PDGFC: variants seen among roughly 807,000 people sequenced by gnomAD.
PDGFC encodes platelet derived growth factor C, also known as platelet-derived growth factor C.
A neutral mutation model predicts 35.5 loss-of-function variants in PDGFC; 12 were observed. The ratio of observed to expected loss-of-function variants is 0.34; its 90% CI spans 0.22 to 0.55. The LOEUF (loss-of-function observed/expected upper bound fraction) is 0.55. PDGFC is among the 20% of genes least tolerant of loss of function. The probability of loss-of-function intolerance (pLI) is 0.91; values close to 1 mark genes in which losing one functional copy is unlikely to be tolerated. For synonymous variants in PDGFC, 159 were observed against 148.8 expected (o/e 1.07, Z -0.50); for missense variants, 322 against 412.4 (o/e 0.78, Z 1.90).
chr4:156,928,344 G>A (rs1248922188), intron 1 of PDGFC, among the ~76,000 whole-genome samples: 1 of 152,116 alleles, frequency 6.6e-6, no homozygotes, highest in African/African-American at 2.4e-5. Context: ...TCCCACCCCA[G>A]CCTTGCAAGT....
At chr4:156,922,401 A>C (rs180974670) in intron 1 of PDGFC, among the ~76,000 whole-genome samples, 1 of 152,312 alleles carries the variant, frequency 6.6e-6, no homozygotes, top group Non-Finnish European at 1.5e-5. Context: ...TCCTGGACAA[A>C]ATGTACCCAG....
chr4:156,961,946 C>A (rs1412730268), intron 1 of PDGFC, among the ~76,000 whole-genome samples: 1 of 152,114 alleles, frequency 6.6e-6, no homozygotes. Flanking sequence ...CCCTTCTAAC[C>A]TGTTCACAAC....
At chr4:156,914,230 G>A (rs527849690) in intron 1 of PDGFC, among the ~76,000 whole-genome samples, 7 of 152,192 alleles carry the variant, frequency 4.6e-5, no homozygotes, top group Non-Finnish European at 8.8e-5. Flanking sequence ...AGTTGTGGGC[G>A]GGGAGATCTC....
At chr4:156,834,458 A>ACTGGT (rs1443855872) in intron 2 of PDGFC, among the ~76,000 whole-genome samples, 10 of 152,178 alleles carry the variant, frequency 6.6e-5, no homozygotes, top group African/African-American at 2.4e-4. Context: ...ATAAATTATG[A>ACTGGT]CTGGTTCCAT....
intron 5 of PDGFC, among the ~76,000 whole-genome samples, chr4:156,766,049 C>T (rs866941546): frequency 6.6e-6 from 1 of 152,130 alleles, no homozygotes; most frequent in African/African-American, 2.4e-5. Context: ...ACTGGGATGT[C>T]TAGCTTTGGA....
At chr4:156,903,931 T>A (rs1730853939) in intron 1 of PDGFC, among the ~76,000 whole-genome samples, 2 of 152,330 alleles carry the variant, frequency 1.3e-5, no homozygotes, top group South Asian at 4.1e-4. Context: ...TAGGCCAATT[T>A]TAATCTCACT....
chr4:156,967,930 A>G lies in PDGFC; in HGVS notation c.118+2856T>C, dbSNP rs551176414. On this transcript the variant is annotated intron_variant, in intron 1 of 5. Transcript: ENST00000502773. ...TAAGGTTAAAAATTAAGTATAGTAT[A>G]TGAAGTCAACTTATAATATTAGAGG... Among the ~76,000 whole-genome samples the G allele has an allele frequency of 5.3e-5, 8 of 152,352 alleles. No homozygotes were observed. The South Asian group carries it at 1.7e-3, about 32-fold the overall frequency.
intron 1 of PDGFC, among the ~76,000 whole-genome samples, chr4:156,932,792 T>C (rs913907498): frequency 9.9e-5 from 15 of 151,026 alleles, no homozygotes; most frequent in African/African-American, 3.7e-4. Context: ...ATATATCTAA[T>C]GATAAATGAC....
chr4:156,958,887 T>G (rs1036510450), intron 1 of PDGFC, among the ~76,000 whole-genome samples: 2 of 152,048 alleles, frequency 1.3e-5, no homozygotes, highest in Non-Finnish European at 1.5e-5. Flanking sequence ...AATCTCACAC[T>G]AGGGTGGTTA....
At chr4:156,944,692 G>A (rs1020634090) in intron 1 of PDGFC, among the ~76,000 whole-genome samples, 3 of 152,166 alleles carry the variant, frequency 2.0e-5, no homozygotes, top group South Asian at 4.1e-4. Flanking sequence ...TTTCCAGTCC[G>A]CCAGCAAATA....
intron 1 of PDGFC, among the ~76,000 whole-genome samples, chr4:156,894,944 T>C (rs946343248): frequency 2.6e-5 from 4 of 152,204 alleles, no homozygotes; most frequent in Admixed American, 6.5e-5. Flanking sequence ...ATTTTACTAA[T>C]TCTGCATGCA....
chr4:156,960,863 A>G (rs1409288500), intron 1 of PDGFC, among the ~76,000 whole-genome samples: 1 of 152,114 alleles, frequency 6.6e-6, no homozygotes, highest in Non-Finnish European at 1.5e-5. Flanking sequence ...GCATGCTTCC[A>G]TAGAGCAATC....
chr4:156,770,254 A>G (rs1171631369), intron 4 of PDGFC: 2 of 152,028 alleles, frequency 1.3e-5, no homozygotes, highest in Admixed American at 6.6e-5. Flanking sequence ...TTTTTGTAGC[A>G]GTAGCAAGGT....
At chr4:156,926,103 A>G (rs1731406816) in intron 1 of PDGFC, among the ~76,000 whole-genome samples, 1 of 151,022 alleles carries the variant, frequency 6.6e-6, no homozygotes, top group Admixed American at 6.6e-5. Context: ...ACTACACTAC[A>G]CTATTGACTA....
chr4:156,895,319 G>A (rs548198019), intron 1 of PDGFC, among the ~76,000 whole-genome samples: 2 of 152,060 alleles, frequency 1.3e-5, no homozygotes, highest in Non-Finnish European at 2.9e-5. Flanking sequence ...TATAAAAGTT[G>A]GGATAGCAAA....
chr4:156,947,814 C>G (rs1216397743), intron 1 of PDGFC, among the ~76,000 whole-genome samples: 1 of 152,030 alleles, frequency 6.6e-6, no homozygotes, highest in South Asian at 2.1e-4. Flanking sequence ...TGTCCATATA[C>G]TGTGGAGAGT....
chr4:156,873,980 A>T (rs1266972821), intron 1 of PDGFC: 1 of 152,198 alleles, frequency 6.6e-6, no homozygotes, highest in Non-Finnish European at 1.5e-5. Context: ...TGCTCAAAAC[A>T]CTGAAAGCCC....
intron 1 of PDGFC, among the ~76,000 whole-genome samples, chr4:156,903,132 T>TGTTGTGTGC (rs1553975813): frequency 6.6e-6 from 1 of 150,622 alleles, no homozygotes; most frequent in East Asian, 1.9e-4. Flanking sequence ...TGTGTGTGTG[T>TGTTGTGTGC]ATAAACTAGA....
At chr4:156,787,341 G>C (rs1236961837) in intron 3 of PDGFC, among the ~76,000 whole-genome samples, 1 of 152,172 alleles carries the variant, frequency 6.6e-6, no homozygotes, top group Non-Finnish European at 1.5e-5. Context: ...AACCACTGAT[G>C]ATAGGTCTGA....
Sources: allele counts gnomAD v4.1 joint callset (sites outside exome capture counted in the v4.1 genomes callset), GRCh38; gene constraint gnomAD v4.1.1; transcripts MANE v1.5; gene names NCBI Gene and HGNC (gene_info 2026-07-23, HGNC 2026-07-21).